C16orf96: variants seen among roughly 807,000 people sequenced by gnomAD.
C16orf96 encodes uncharacterized protein C16orf96.
C16orf96 carries 108 observed loss-of-function variants against 103.6 expected under a neutral mutation model. The ratio of observed to expected loss-of-function variants is 1.04; its 90% CI spans 0.89 to 1.22. The LOEUF is 1.22. C16orf96 is among the 50% of genes most tolerant of loss of function. The probability of loss-of-function intolerance (pLI) is 0.00; values close to 1 mark genes in which losing one functional copy is unlikely to be tolerated. For synonymous variants in C16orf96, 566 were observed against 593.5 expected (o/e 0.95, Z 0.67); for missense variants, 1,586 against 1,464.2 (o/e 1.08, Z -1.36).
chr16:4,591,148 C>G (rs1418292472), intron 9 of C16orf96, among the ~76,000 whole-genome samples: 1 of 152,152 alleles, frequency 6.6e-6, no homozygotes, highest in Non-Finnish European at 1.5e-5. Context: ...GATTGCACCA[C>G]TGCGCTCCAG....
Position 4,578,406 on chromosome 16 carries a change from G to A in C16orf96, c.2156-534G>A, listed in dbSNP as rs533698211. On this transcript the variant is annotated intron_variant, in intron 5 of 15. Transcript: ENST00000444310. ...GATCCACCTGCCTCGGCCTCCCACAGTGTTGGGAGTACAGGCGTGAGCCAC... is the reference window on the plus strand; with the variant it reads ...GATCCACCTGCCTCGGCCTCCCACAATGTTGGGAGTACAGGCGTGAGCCAC... Among the ~76,000 whole-genome samples, 7 of 152,168 alleles carry A rather than the reference G, an allele frequency of 4.6e-5. No homozygotes were observed. The East Asian group carries it at 1.4e-3, about 30-fold the overall frequency.
Position 4,556,644 on chromosome 16 carries a change from T to C in C16orf96, c.155T>C (p.Phe52Ser). ...LKKVLSGDED[F>S]LQTSQVVIMP... ...AAAGTCCTCTCAGGCGATGAGGACT[T>C]CCTGCAGACCTCGCAGGTGGTCATC... is the stretch of plus-strand genomic sequence containing the variant. The change falls in exon 1 of 16, where the codon TTC (phenylalanine) becomes TCC (serine). Residue 52 changes from phenylalanine (F) to serine (S), a missense_variant. Phe to Ser is a radical substitution (Grantham distance 155). Coordinates refer to ENST00000444310, the MANE Select transcript of C16orf96 (RefSeq NM_001145011.2). The C allele has an allele frequency of 6.4e-7, 1 of 1,551,694 alleles. No homozygotes were observed. The highest frequency in any genetic ancestry group is 8.7e-7 in the Non-Finnish European group (1 of 1,146,958).
chr16:4,566,543 TG>T (rs2059387186), intron 1 of C16orf96, among the ~76,000 whole-genome samples: 1 of 152,206 alleles, frequency 6.6e-6, no homozygotes, highest in Admixed American at 6.5e-5. Flanking sequence ...ATCATTGAGT[TG>T]TAAGAGTTCT....
intron 1 of C16orf96, among the ~76,000 whole-genome samples, chr16:4,567,394 CT>C (rs1462309411): frequency 1.4e-5 from 2 of 148,056 alleles, no homozygotes; most frequent in Non-Finnish European, 3.0e-5. Context: ...CGCCATTCTC[CT>C]GCCTCAGCCT....
chr16:4,588,534 G>C (rs963262814), intron 9 of C16orf96, among the ~76,000 whole-genome samples: 1 of 152,060 alleles, frequency 6.6e-6, no homozygotes, highest in Non-Finnish European at 1.5e-5. Flanking sequence ...CTCGAATGAG[G>C]CTGGATGAGC....
chr16:4,579,263 G>A lies in C16orf96; in HGVS notation c.2241+238G>A, dbSNP rs576374821. ...CTGTGTCTCAGGTGGCTGTTCAGAG[G>A]GCAGGTGAAGCCGGTGCGGTGGCTC... On this transcript the variant is annotated intron_variant, in intron 6 of 15. Coordinates refer to ENST00000444310, the MANE Select transcript of C16orf96 (RefSeq NM_001145011.2). Among the ~76,000 whole-genome samples, 14 of 152,144 alleles carry A rather than the reference G, an allele frequency of 9.2e-5. No homozygotes were observed. The South Asian group carries it at 1.2e-3, about 14-fold the overall frequency.
At chr16:4,547,716 C>A in the C16orf96 span, among the ~76,000 whole-genome samples, 1 of 128,672 alleles carries the variant, frequency 7.8e-6, no homozygotes, top group African/African-American at 2.8e-5. Context: ...TTCTTTCTTT[C>A]TTTCTTTCTT....
chr16:4,592,077 A>G (rs1050953573), intron 10 of C16orf96, among the ~76,000 whole-genome samples: 2 of 152,156 alleles, frequency 1.3e-5, no homozygotes, highest in African/African-American at 4.8e-5. Flanking sequence ...CCCAATATTT[A>G]TGGGGCTCCT....
chr16:4,549,888 C>G, the C16orf96 span, among the ~76,000 whole-genome samples: 3,903 of 152,270 alleles, frequency 0.026, 90 homozygotes, highest in Non-Finnish European at 0.038. Flanking sequence ...CAATTTGAAG[C>G]TTCCTGAGGC....
intron 7 of C16orf96, among the ~76,000 whole-genome samples, chr16:4,583,405 C>T (rs1896839969): frequency 6.6e-6 from 1 of 152,098 alleles, no homozygotes; most frequent in African/African-American, 2.4e-5. Flanking sequence ...ACCAGGGAGG[C>T]TGAGGCAGGA....
chr16:4,539,471 G>A, the C16orf96 span, among the ~76,000 whole-genome samples: 3 of 152,178 alleles, frequency 2.0e-5, no homozygotes, highest in African/African-American at 4.8e-5. Flanking sequence ...ATCACTTGAG[G>A]TCAGGAGTTT....
chr16:4,551,734 G>T (rs1596507526), upstream of C16orf96, among the ~76,000 whole-genome samples: 1 of 152,120 alleles, frequency 6.6e-6, no homozygotes, highest in East Asian at 1.9e-4. Flanking sequence ...TTATAGGCTT[G>T]AGCCACCGCG....
intron 3 of C16orf96, 44 bp downstream of exon 3, chr16:4,574,833 C>T (rs2059480817): frequency 1.3e-6 from 2 of 1,541,128 alleles, no homozygotes; most frequent in African/African-American, 2.7e-5. Flanking sequence ...CCCTGGGACC[C>T]CCCAACCTCC....
At chr16:4,559,560 A>AT (rs1414312125) in intron 1 of C16orf96, among the ~76,000 whole-genome samples, 1 of 151,746 alleles carries the variant, frequency 6.6e-6, no homozygotes, top group Non-Finnish European at 1.5e-5. Context: ...CAAAAAAAAA[A>AT]AATTAAAAAT....
chr16:4,592,181 G>A (rs958733441), intron 10 of C16orf96, 124 bp from the exon 11 acceptor site: 1 of 1,185,532 alleles, frequency 8.4e-7, no homozygotes, highest in Non-Finnish European at 1.2e-6. Flanking sequence ...TGCAGGGCCT[G>A]TGGGGCTGAG....
the C16orf96 span, among the ~76,000 whole-genome samples, chr16:4,551,147 C>G: frequency 1.3e-5 from 2 of 152,114 alleles, no homozygotes; most frequent in African/African-American, 4.8e-5. Context: ...TGTTGCACAC[C>G]TATGGTTTTA....
intron 7 of C16orf96, among the ~76,000 whole-genome samples, chr16:4,582,677 C>T (rs1896819213): frequency 6.6e-6 from 1 of 152,046 alleles, no homozygotes; most frequent in Admixed American, 6.6e-5. Context: ...TCAGAGAGAC[C>T]CAGGCCACCA....
At chr16:4,545,962 G>A in the C16orf96 span, among the ~76,000 whole-genome samples, 3 of 151,772 alleles carry the variant, frequency 2.0e-5, no homozygotes, top group South Asian at 2.1e-4. Flanking sequence ...CGATTCTCCC[G>A]CCTCAGCCTC....
At chr16:4,553,622 T>C (rs2059240480), upstream of C16orf96, among the ~76,000 whole-genome samples, 1 of 152,010 alleles carries the variant, frequency 6.6e-6, no homozygotes, top group Non-Finnish European at 1.5e-5. Context: ...GGATTACAGG[T>C]GTGAGCCACT....
Sources: gnomAD v4.1 joint callset for allele counts (sites outside exome capture counted in the v4.1 genomes callset) on GRCh38, gnomAD v4.1.1 for gene constraint, MANE v1.5 for transcripts, NCBI Gene and HGNC (gene_info 2026-07-23, HGNC 2026-07-21) for gene names.